IMMP2L: variants seen among roughly 807,000 people sequenced by gnomAD.
IMMP2L encodes mitochondrial inner membrane protease subunit 2.
A neutral mutation model predicts 19.3 loss-of-function variants in IMMP2L; 18 were observed. That is an observed-to-expected ratio of 0.93 (90% CI 0.64 to 1.38). The LOEUF (loss-of-function observed/expected upper bound fraction) is 1.38. Among genes scored for constraint, IMMP2L ranks in the 40% most tolerant of loss-of-function variants. The probability of loss-of-function intolerance (pLI) is 0.00; values close to 1 mark genes in which losing one functional copy is unlikely to be tolerated. For missense variants in IMMP2L, 233 were observed against 218.2 expected (o/e 1.07, Z -0.43); for synonymous variants, 76 against 73.0 (o/e 1.04, Z -0.21).
At chr7:110,945,117 A>AT (rs1470498430) in intron 4 of IMMP2L, among the ~76,000 whole-genome samples, 1 of 151,924 alleles carries the variant, frequency 6.6e-6, no homozygotes, top group Non-Finnish European at 1.5e-5. Flanking sequence ...TGCCAAGAAA[A>AT]TGCAAACTAT....
At chr7:110,923,963 A>C (rs1413852741) in intron 4 of IMMP2L, among the ~76,000 whole-genome samples, 1 of 152,168 alleles carries the variant, frequency 6.6e-6, no homozygotes, top group African/African-American at 2.4e-5. Flanking sequence ...CCACTGATGC[A>C]CAGGGGAATA....
At chr7:110,848,190 C>T (rs1419252217) in intron 5 of IMMP2L, among the ~76,000 whole-genome samples, 1 of 139,660 alleles carries the variant, frequency 7.2e-6, no homozygotes, top group Non-Finnish European at 1.7e-5. Context: ...CTAGAATATA[C>T]AAAAACTAAT....
intron 3 of IMMP2L, among the ~76,000 whole-genome samples, chr7:111,339,745 T>G (rs1359239643): frequency 6.6e-6 from 1 of 152,062 alleles, no homozygotes; most frequent in African/African-American, 2.4e-5. Context: ...CTCAACTTTT[T>G]ATTCTGTACC....
chr7:110,978,182 G>T (rs1820897038), intron 3 of IMMP2L, among the ~76,000 whole-genome samples: 4 of 151,926 alleles, frequency 2.6e-5, no homozygotes, highest in African/African-American at 7.2e-5. Context: ...AACAATATTA[G>T]TCCACTACTT....
chr7:111,516,153 C>G (rs1025694648), intron 2 of IMMP2L, among the ~76,000 whole-genome samples: 10 of 151,970 alleles, frequency 6.6e-5, no homozygotes, highest in African/African-American at 2.4e-4. Context: ...ATTTAAAGCT[C>G]TATACTACTA....
At chr7:111,242,260 C>T (rs1025569076) in intron 3 of IMMP2L, among the ~76,000 whole-genome samples, 13 of 152,076 alleles carry the variant, frequency 8.5e-5, no homozygotes, top group South Asian at 2.1e-4. Context: ...CCCTTTTAGA[C>T]GCCGATTTTA....
intron 4 of IMMP2L, among the ~76,000 whole-genome samples, chr7:110,946,127 G>C (rs1375122901): frequency 6.6e-6 from 1 of 152,142 alleles, no homozygotes; most frequent in Non-Finnish European, 1.5e-5. Flanking sequence ...ATCACCTGGA[G>C]TGCCTGTTAA....
chr7:110,703,478 T>C (rs570883441), intron 5 of IMMP2L, among the ~76,000 whole-genome samples: 1 of 152,302 alleles, frequency 6.6e-6, no homozygotes, highest in African/African-American at 2.4e-5. Context: ...CCACAATTTC[T>C]ACTTTATTTC....
intron 3 of IMMP2L, among the ~76,000 whole-genome samples, chr7:111,412,252 C>T (rs1477282690): frequency 2.0e-5 from 3 of 151,646 alleles, no homozygotes; most frequent in Non-Finnish European, 4.4e-5. Context: ...ATTGACAGAA[C>T]AAAGAGACCA....
At chr7:111,389,226 G>A (rs1366186223) in intron 3 of IMMP2L, among the ~76,000 whole-genome samples, 1 of 152,022 alleles carries the variant, frequency 6.6e-6, no homozygotes, top group Non-Finnish European at 1.5e-5. Context: ...AAACATAGCT[G>A]TACTCTTCAG....
At chr7:111,144,509 T>C (rs1803260788) in intron 3 of IMMP2L, among the ~76,000 whole-genome samples, 1 of 152,134 alleles carries the variant, frequency 6.6e-6, no homozygotes, top group South Asian at 2.1e-4. Context: ...ATACAGTGTG[T>C]CTATCTCAGA....
intron 5 of IMMP2L, among the ~76,000 whole-genome samples, chr7:110,849,479 T>G (rs567175815): frequency 6.6e-6 from 1 of 152,110 alleles, no homozygotes; most frequent in Non-Finnish European, 1.5e-5. Flanking sequence ...GAAAAATAAA[T>G]TTCAATTAAA....
intron 4 of IMMP2L, among the ~76,000 whole-genome samples, chr7:110,959,574 T>A (rs558711544): frequency 6.6e-6 from 1 of 151,994 alleles, no homozygotes; most frequent in Non-Finnish European, 1.5e-5. Context: ...GGTGCCAAAG[T>A]TTCAAAGGGA....
chr7:111,127,099 C>T (rs187278129), intron 3 of IMMP2L, among the ~76,000 whole-genome samples: 2 of 152,250 alleles, frequency 1.3e-5, no homozygotes, highest in Admixed American at 1.3e-4. Context: ...AAATATGAAA[C>T]TTGCTAATTC....
intron 3 of IMMP2L, among the ~76,000 whole-genome samples, chr7:111,380,122 TAATA>T (rs1404295407): frequency 6.6e-6 from 1 of 152,014 alleles, no homozygotes; most frequent in Non-Finnish European, 1.5e-5. Flanking sequence ...TATTTTATTA[TAATA>T]TCTAAAAAAT....
intron 3 of IMMP2L, among the ~76,000 whole-genome samples, chr7:111,451,139 G>A (rs1397863217): frequency 1.4e-5 from 2 of 146,412 alleles, no homozygotes; most frequent in Admixed American, 6.7e-5. Flanking sequence ...AACCATTGTG[G>A]AAGTCAGTGT....
At chr7:111,521,489 G>A in intron 1 of IMMP2L, 40 bp from the exon 2 acceptor site, 1 of 1,553,902 alleles carries the variant, frequency 6.4e-7, no homozygotes, top group Non-Finnish European at 8.7e-7. Context: ...TTAGTCTCAA[G>A]AAAGGTGAAA....
In IMMP2L at chr7:110,818,911, G is replaced by T. The variant is rs956183519; in HGVS notation, c.408+67682C>A. On this transcript the variant is annotated intron_variant, in intron 5 of 5. Transcript: ENST00000405709. ...CACTCATAGGTGGGAATTGAACAAT[G>T]AGAACACATGGACACAGGAAGGGGA... Among the ~76,000 whole-genome samples, 13 of 138,322 alleles carry T rather than the reference G, an allele frequency of 9.4e-5. No individual in the cohort carries two copies. The East Asian group carries it at 2.8e-3, about 30-fold the overall frequency. 90.7% of individuals were successfully genotyped at this position (138,322 alleles called of 152,430 possible).
chr7:110,976,006 T>C (rs1021231048), intron 3 of IMMP2L, among the ~76,000 whole-genome samples: 3 of 152,040 alleles, frequency 2.0e-5, no homozygotes, highest in Non-Finnish European at 2.9e-5. Context: ...GTAGAACTGA[T>C]AGCAATGATT....
Sources: allele counts gnomAD v4.1 joint callset (sites outside exome capture counted in the v4.1 genomes callset), GRCh38; gene constraint gnomAD v4.1.1; transcripts MANE v1.5; gene names NCBI Gene and HGNC (gene_info 2026-07-23, HGNC 2026-07-21).